The following PACS1 variants were observed in gnomAD, a reference collection of about 807,000 sequenced individuals.
The protein encoded by PACS1 is phosphofurin acidic cluster sorting protein 1, also known as PACS-1.
A neutral mutation model predicts 115.0 loss-of-function variants in PACS1; 24 were observed. That is an observed-to-expected ratio of 0.21 (90% CI 0.15 to 0.29). PACS1 has a LOEUF of 0.29. Among genes scored for constraint, PACS1 ranks in the 10% least tolerant of loss-of-function variants. The probability of loss-of-function intolerance (pLI) is 1.00; values close to 1 mark genes in which losing one functional copy is unlikely to be tolerated. For missense variants in PACS1, 838 were observed against 1,251.2 expected (o/e 0.67, Z 4.98); for synonymous variants, 453 against 504.5 (o/e 0.90, Z 1.37).
In PACS1 at chr11:66,243,600, A is replaced by C; in HGVS notation, c.*320A>C. The C allele has an allele frequency of 3.5e-6, 1 of 289,742 alleles. No individual in the cohort carries two copies. The highest frequency in any genetic ancestry group is 6.6e-6 in the Non-Finnish European group (1 of 151,948). 17.9% of individuals were successfully genotyped at this position (289,742 alleles called of 1,614,324 possible). ...CAGGCCTTCCTTCACCCGACTTCCA[A>C]ACTCTTCCTTGTGGTATCAGTTTCC... On this transcript the variant is annotated 3_prime_UTR_variant, in exon 24 of 24. Coordinates refer to ENST00000320580, the MANE Select transcript of PACS1 (RefSeq NM_018026.4).
chr11:66,103,801 A>G (rs1359583261), intron 1 of PACS1, among the ~76,000 whole-genome samples: 1 of 152,156 alleles, frequency 6.6e-6, no homozygotes, highest in Non-Finnish European at 1.5e-5. Context: ...GGCATGAGCC[A>G]GTGTGCCCAG....
chr11:66,157,453 G>A (rs1271938624), intron 1 of PACS1, among the ~76,000 whole-genome samples: 1 of 148,300 alleles, frequency 6.7e-6, no homozygotes, highest in East Asian at 2.0e-4. Context: ...ATAAGTTTTA[G>A]GTACCTGTGA....
At chr11:66,156,258 T>G (rs1031549829) in intron 1 of PACS1, among the ~76,000 whole-genome samples, 7 of 120,152 alleles carry the variant, frequency 5.8e-5, no homozygotes, top group Admixed American at 1.8e-4. Context: ...ATATATAGTT[T>G]TTTTTTTTTT....
chr11:66,189,070 G>A (rs1854456626), intron 1 of PACS1, among the ~76,000 whole-genome samples: 1 of 152,090 alleles, frequency 6.6e-6, no homozygotes, highest in African/African-American at 2.4e-5. Context: ...CCACCTCTTA[G>A]CATTACTGTG....
chr11:66,210,733 T>C (rs546988195), intron 3 of PACS1, among the ~76,000 whole-genome samples: 2 of 152,226 alleles, frequency 1.3e-5, no homozygotes, highest in Non-Finnish European at 2.9e-5. Context: ...CACATCTCCT[T>C]AGTGATCCTC....
intron 1 of PACS1, among the ~76,000 whole-genome samples, chr11:66,120,809 A>G (rs1341407716): frequency 1.3e-5 from 2 of 152,182 alleles, no homozygotes; most frequent in Non-Finnish European, 2.9e-5. Context: ...CTCTCTGGAC[A>G]CATACCTATC....
chr11:66,131,794 T>C (rs1185813937), intron 1 of PACS1, among the ~76,000 whole-genome samples: 1 of 152,124 alleles, frequency 6.6e-6, no homozygotes, highest in African/African-American at 2.4e-5. Flanking sequence ...TCCTGTATTT[T>C]CTTCTAATTA....
chr11:66,238,731 T>A, intron 19 of PACS1, 73 bp from the exon 20 acceptor site: 1 of 1,313,538 alleles, frequency 7.6e-7, no homozygotes. Context: ...GTGCCACCAA[T>A]GTGTTTCTGG....
At chr11:66,232,927 C>T (rs772987951) in intron 14 of PACS1, 33 bp from the exon 15 acceptor site, 2 of 1,503,596 alleles carry the variant, frequency 1.3e-6, no homozygotes, top group Admixed American at 3.3e-5. Flanking sequence ...GTGTTCTCAC[C>T]TGTGTCCCTG....
intron 4 of PACS1, among the ~76,000 whole-genome samples, chr11:66,212,353 C>CGA (rs1565149092): frequency 2.0e-5 from 3 of 150,926 alleles, no homozygotes; most frequent in East Asian, 3.9e-4. Flanking sequence ...AGGATGGTCT[C>CGA]ATTCTCCTGA....
At chr11:66,134,456 C>A (rs926556472) in intron 1 of PACS1, among the ~76,000 whole-genome samples, 9 of 151,594 alleles carry the variant, frequency 5.9e-5, no homozygotes, top group African/African-American at 1.9e-4. Flanking sequence ...CTTCAGCTTT[C>A]TCTGGCCCTC....
At chr11:66,199,397 G>GT (rs1377374468) in intron 2 of PACS1, among the ~76,000 whole-genome samples, 1 of 149,860 alleles carries the variant, frequency 6.7e-6, no homozygotes, top group Non-Finnish European at 1.5e-5. Context: ...TTTGTTTTTT[G>GT]TTTTTGCAAT....
intron 1 of PACS1, among the ~76,000 whole-genome samples, chr11:66,102,079 T>C (rs1857930503): frequency 6.6e-6 from 1 of 152,192 alleles, no homozygotes; most frequent in Non-Finnish European, 1.5e-5. Flanking sequence ...GCATTTAAAA[T>C]TTGAAACCAG....
At chr11:66,178,361 A>G (rs575521070) in intron 1 of PACS1, among the ~76,000 whole-genome samples, 3 of 152,166 alleles carry the variant, frequency 2.0e-5, no homozygotes, top group Non-Finnish European at 2.9e-5. Flanking sequence ...GATGTGTTCT[A>G]TTTTCTTATT....
chr11:66,081,274 T>C (rs1390233488), intron 1 of PACS1, among the ~76,000 whole-genome samples: 3 of 152,092 alleles, frequency 2.0e-5, no homozygotes, highest in Non-Finnish European at 2.9e-5. Context: ...AAAGTCCCTG[T>C]CTCACAGGAT....
intron 1 of PACS1, among the ~76,000 whole-genome samples, chr11:66,116,631 G>A (rs1351759831): frequency 1.3e-5 from 2 of 152,156 alleles, no homozygotes; most frequent in Non-Finnish European, 2.9e-5. Flanking sequence ...AGTGGCTCAC[G>A]CCTGTAATCC....
At chr11:66,163,633 C>T (rs1282919193) in intron 1 of PACS1, among the ~76,000 whole-genome samples, 1 of 152,038 alleles carries the variant, frequency 6.6e-6, no homozygotes, top group Non-Finnish European at 1.5e-5. Flanking sequence ...TATGATGTGA[C>T]GTGTATTGTT....
At position 66,243,318 on chromosome 11, in the gene PACS1, C is replaced by T; in HGVS notation, c.*38C>T. On this transcript the variant is annotated 3_prime_UTR_variant, in exon 24 of 24. Coordinates refer to ENST00000320580, the MANE Select transcript of PACS1 (RefSeq NM_018026.4). ...CAGCCACTTTCCCTCCTGGCACTGC[C>T]ACCAGCCTCACCGCCTGCGGGCAGG... The T allele has an allele frequency of 7.2e-7, 1 of 1,380,292 alleles. No individual in the cohort carries two copies. The highest frequency in any genetic ancestry group is 1.0e-6 in the Non-Finnish European group (1 of 996,170). 85.5% of individuals were successfully genotyped at this position (1,380,292 alleles called of 1,614,324 possible).
Position 66,126,909 on chromosome 11 carries a change from T to G in PACS1, c.356+56067T>G, listed in dbSNP as rs145242789. 3.0e-3 allele frequency among the ~76,000 whole-genome samples: 462 copies of G among 152,220 alleles called. 2 individuals carry two copies. Among genetic ancestry groups the G allele is most frequent in the African/African-American group, 0.011 (446 of 41,514 alleles). On this transcript the variant is annotated intron_variant, in intron 1 of 23. Coordinates refer to ENST00000320580, the MANE Select transcript of PACS1 (RefSeq NM_018026.4). ...GGCCTCGTCGCTATTAGTGCAACAC[T>G]GCTGCGGGTGGAGGAGCTTTTCATC...
Sources: gnomAD v4.1 joint callset for allele counts (sites outside exome capture counted in the v4.1 genomes callset) on GRCh38, gnomAD v4.1.1 for gene constraint, MANE v1.5 for transcripts, NCBI Gene and HGNC (gene_info 2026-07-23, HGNC 2026-07-21) for gene names.